The following PDE4D variants were observed in gnomAD, a reference collection of about 807,000 sequenced individuals.
The protein encoded by PDE4D is phosphodiesterase 4D, also known as 3',5'-cyclic-AMP phosphodiesterase 4D.
PDE4D carries 24 observed loss-of-function variants against 87.4 expected under a neutral mutation model. The ratio of observed to expected loss-of-function variants is 0.27; its 90% CI spans 0.20 to 0.39. The LOEUF is 0.39. Ranked by LOEUF, PDE4D falls within the 10% of genes least tolerant of loss-of-function variation. PDE4D has a pLI of 1.00. For synonymous variants in PDE4D, 384 were observed against 383.2 expected, an observed-to-expected ratio of 1.00 and a Z score of -0.02; for missense variants, 714 against 1,041.0, an observed-to-expected ratio of 0.69 and a Z score of 4.32.
intron 1 of PDE4D, among the ~76,000 whole-genome samples, chr5:59,421,197 T>G (rs1794435689): frequency 6.6e-6 from 1 of 152,186 alleles, no homozygotes; most frequent in Admixed American, 6.5e-5. Flanking sequence ...ATTAGGCAAA[T>G]TCATTGTTTT....
At chr5:59,923,194 T>C (rs536696043) in intron 3 of PDE4D, among the ~76,000 whole-genome samples, 72 of 152,246 alleles carry the variant, frequency 4.7e-4, no homozygotes, top group Non-Finnish European at 9.4e-4. Flanking sequence ...TCACGTAAAA[T>C]AGAACACCAG....
intron 1 of PDE4D, among the ~76,000 whole-genome samples, chr5:59,216,392 T>C (rs1751270910): frequency 6.6e-6 from 1 of 152,174 alleles, no homozygotes; most frequent in Non-Finnish European, 1.5e-5. Context: ...ACTCCTACCC[T>C]ATAACATCCA....
chr5:60,422,950 G>A (rs1743269153), intron 1 of PDE4D, among the ~76,000 whole-genome samples: 1 of 152,134 alleles, frequency 6.6e-6, no homozygotes, highest in Non-Finnish European at 1.5e-5. Context: ...GACAAAGAAA[G>A]GCATTACATA....
At chr5:59,861,221 T>G (rs1379829114) in intron 1 of PDE4D, among the ~76,000 whole-genome samples, 1 of 152,132 alleles carries the variant, frequency 6.6e-6, no homozygotes, top group Non-Finnish European at 1.5e-5. Flanking sequence ...GTTATTTGTT[T>G]TGATAAAGAC....
intron 1 of PDE4D, among the ~76,000 whole-genome samples, chr5:59,461,330 A>C (rs906751721): frequency 2.0e-5 from 3 of 152,134 alleles, no homozygotes; most frequent in Non-Finnish European, 4.4e-5. Context: ...ATAAACATCT[A>C]AGTTATATTT....
At chr5:59,432,260 C>T (rs998955177) in intron 1 of PDE4D, among the ~76,000 whole-genome samples, 3 of 132,844 alleles carry the variant, frequency 2.3e-5, no homozygotes, top group African/African-American at 1.0e-4. Flanking sequence ...TATGTATAAT[C>T]CTTTATTAAT....
chr5:59,768,876 T>C (rs1763154163), intron 1 of PDE4D, among the ~76,000 whole-genome samples: 1 of 152,186 alleles, frequency 6.6e-6, no homozygotes, highest in African/African-American at 2.4e-5. Flanking sequence ...CTGCTGCTTA[T>C]GTACATAAAA....
At chr5:59,245,895 C>T (rs1159326508) in intron 1 of PDE4D, among the ~76,000 whole-genome samples, 1 of 151,954 alleles carries the variant, frequency 6.6e-6, no homozygotes, top group Non-Finnish European at 1.5e-5. Flanking sequence ...CCCCTCTTGC[C>T]ATACAAGGAT....
chr5:59,612,609 T>C (rs1246884947), intron 1 of PDE4D, among the ~76,000 whole-genome samples: 1 of 152,132 alleles, frequency 6.6e-6, no homozygotes, highest in African/African-American at 2.4e-5. Flanking sequence ...ATAAGGATTA[T>C]ATGATAACAG....
At chr5:59,519,899 A>C (rs1296325694) in intron 1 of PDE4D, among the ~76,000 whole-genome samples, 4 of 127,846 alleles carry the variant, frequency 3.1e-5, no homozygotes, top group East Asian at 4.2e-4. Context: ...TGTATCCACC[A>C]CCCCCCAAAT....
At chr5:60,351,002 C>T (rs139298942) in intron 1 of PDE4D, among the ~76,000 whole-genome samples, 329 of 152,254 alleles carry the variant, frequency 2.2e-3, no homozygotes, top group Non-Finnish European at 4.0e-3. Flanking sequence ...AAAACTACAA[C>T]AAGCAGATAA....
intron 5 of PDE4D, among the ~76,000 whole-genome samples, chr5:59,105,326 T>C (rs993225645): frequency 6.6e-6 from 1 of 152,216 alleles, no homozygotes; most frequent in Non-Finnish European, 1.5e-5. Flanking sequence ...ATCTTAGTTA[T>C]TTCATTTATA....
In PDE4D at chr5:60,388,407, T is replaced by A. The variant is rs202030108; in HGVS notation, c.-90+99535A>T. Among the ~76,000 whole-genome samples, 347 of 108,658 alleles carry A rather than the reference T, an allele frequency of 3.2e-3. 4 individuals are homozygous for A. The highest frequency in any genetic ancestry group is 0.02 in the Admixed American group (249 of 12,414). 71.3% of individuals were successfully genotyped at this position (108,658 alleles called of 152,430 possible). On this transcript the variant is annotated intron_variant, in intron 1 of 16. Transcript: ENST00000502484. Reference sequence around the variant, plus strand: ...TTCTTTATTTTTTCTAAAAAAAAAATGGGATAAATATGCAGAACGTGCAGG... The same window carrying A: ...TTCTTTATTTTTTCTAAAAAAAAAAAGGGATAAATATGCAGAACGTGCAGG...
At chr5:59,256,832 T>C (rs908871770) in intron 1 of PDE4D, among the ~76,000 whole-genome samples, 6 of 152,068 alleles carry the variant, frequency 3.9e-5, no homozygotes, top group African/African-American at 9.7e-5. Context: ...ACTACGTAAA[T>C]ATACTAAAAA....
chr5:60,248,794 A>G (rs1405094133), intron 1 of PDE4D, among the ~76,000 whole-genome samples: 1 of 152,044 alleles, frequency 6.6e-6, no homozygotes, highest in Middle Eastern at 3.2e-3. Flanking sequence ...GCTTTCCAAC[A>G]GGAAACTTCT....
intron 1 of PDE4D, among the ~76,000 whole-genome samples, chr5:60,212,063 A>G (rs1583089978): frequency 6.6e-6 from 1 of 152,236 alleles, no homozygotes; most frequent in East Asian, 1.9e-4. Context: ...ATCGTTGCAT[A>G]TATATGTAAT....
At chr5:59,627,509 T>C (rs1031453577) in intron 1 of PDE4D, among the ~76,000 whole-genome samples, 1 of 152,216 alleles carries the variant, frequency 6.6e-6, no homozygotes, top group Non-Finnish European at 1.5e-5. Context: ...TATCACTTTC[T>C]AACTGCATTA....
intron 2 of PDE4D, among the ~76,000 whole-genome samples, chr5:60,028,850 CCT>C (rs1380220236): frequency 5.3e-5 from 8 of 152,234 alleles, no homozygotes; most frequent in African/African-American, 1.7e-4. Context: ...TAAATAAACC[CCT>C]GTTTTGCCTC....
chr5:59,656,081 C>T (rs927739470), intron 1 of PDE4D, among the ~76,000 whole-genome samples: 27 of 152,164 alleles, frequency 1.8e-4, no homozygotes, highest in African/African-American at 6.5e-4. Flanking sequence ...ATACACCACA[C>T]ACACGTTTTC....
Sources: gnomAD v4.1 joint callset for allele counts (sites outside exome capture counted in the v4.1 genomes callset) on GRCh38, gnomAD v4.1.1 for gene constraint, MANE v1.5 for transcripts, NCBI Gene and HGNC (gene_info 2026-07-23, HGNC 2026-07-21) for gene names.